The following GRIP1 variants were observed in gnomAD, a reference collection of about 807,000 sequenced individuals.
GRIP1 encodes glutamate receptor-interacting protein 1.
GRIP1 carries 45 observed loss-of-function variants against 129.9 expected under a neutral mutation model. The ratio of observed to expected loss-of-function variants is 0.35; its 90% CI spans 0.27 to 0.44. The LOEUF (loss-of-function observed/expected upper bound fraction) is 0.44. Among genes scored for constraint, GRIP1 ranks in the 20% least tolerant of loss-of-function variants. GRIP1 has a pLI of 1.00. For synonymous variants in GRIP1, 530 were observed against 520.8 expected (o/e 1.02, Z -0.24); for missense variants, 1,196 against 1,396.8 (o/e 0.86, Z 2.29).
At chr12:66,424,485 T>TATTTATGAAAGAA (rs1328335478) in intron 14 of GRIP1, among the ~76,000 whole-genome samples, 3 of 152,192 alleles carry the variant, frequency 2.0e-5, no homozygotes, top group Admixed American at 6.5e-5. Flanking sequence ...AGTCATTTTC[T>TATTTATGAAAGAA]ATTTACTTTC....
intron 6 of GRIP1, among the ~76,000 whole-genome samples, chr12:66,517,410 AC>A (rs149763421): frequency 0.023 from 3,465 of 152,272 alleles, 125 homozygotes; most frequent in African/African-American, 0.08. Flanking sequence ...TTCCATTCTG[AC>A]CTACACAGTC....
At position 66,774,832 on chromosome 12, in the gene GRIP1, A is replaced by G. The variant is rs536122577; in HGVS notation, c.-420+29221T>C. ...TGGCTTAGAATCCTAATGACCATAA[A>G]CAAGTTTTCATCAGGAAAACAAAGT... is the stretch of plus-strand genomic sequence containing the variant. On this transcript the variant is annotated intron_variant, in intron 1 of 4. Transcript: ENST00000538373. Among the ~76,000 whole-genome samples, 3 of 152,320 alleles carry G rather than the reference A, an allele frequency of 2.0e-5. No homozygotes were observed. The South Asian group carries it at 6.2e-4, about 32-fold the overall frequency.
intron 1 of GRIP1, among the ~76,000 whole-genome samples, chr12:66,635,212 G>A (rs1426033799): frequency 6.6e-6 from 1 of 151,918 alleles, no homozygotes; most frequent in East Asian, 1.9e-4. Flanking sequence ...GAGGTCAGGG[G>A]TTCAAGACAA....
At chr12:67,016,486 C>T (rs1005539673) in intron 1 of GRIP1, among the ~76,000 whole-genome samples, 1 of 152,094 alleles carries the variant, frequency 6.6e-6, no homozygotes, top group Non-Finnish European at 1.5e-5. Flanking sequence ...GGTGTTATTT[C>T]ATTTTAAAGA....
At chr12:66,975,558 G>T (rs1336482703) in intron 1 of GRIP1, among the ~76,000 whole-genome samples, 1 of 152,012 alleles carries the variant, frequency 6.6e-6, no homozygotes, top group Non-Finnish European at 1.5e-5. Context: ...TCTTTTTGTA[G>T]AAAATAGTAC....
intron 3 of GRIP1, among the ~76,000 whole-genome samples, chr12:66,541,076 A>G (rs1258095464): frequency 6.6e-6 from 1 of 152,024 alleles, no homozygotes; most frequent in Non-Finnish European, 1.5e-5. Context: ...TGGCCTCCCA[A>G]TGTGCTGGGA....
chr12:66,971,659 T>C (rs1212831783), intron 1 of GRIP1, among the ~76,000 whole-genome samples: 1 of 152,148 alleles, frequency 6.6e-6, no homozygotes, highest in Non-Finnish European at 1.5e-5. Context: ...AATCACAGTC[T>C]TTAAGAAGCT....
chr12:66,452,945 T>C (rs1393671656), intron 11 of GRIP1, among the ~76,000 whole-genome samples: 1 of 152,344 alleles, frequency 6.6e-6, no homozygotes, highest in Admixed American at 6.5e-5. Context: ...TTGGAATTTA[T>C]GGTTTGAATA....
intron 1 of GRIP1, among the ~76,000 whole-genome samples, chr12:67,006,760 A>C (rs1032728980): frequency 3.3e-5 from 5 of 152,158 alleles, no homozygotes; most frequent in Admixed American, 2.0e-4. Context: ...AAGCAACAAA[A>C]AAGGGCTTTT....
intron 1 of GRIP1, among the ~76,000 whole-genome samples, chr12:66,862,154 G>A (rs918739554): frequency 1.3e-5 from 2 of 152,080 alleles, no homozygotes; most frequent in African/African-American, 2.4e-5. Context: ...AATTTTCTAT[G>A]GAGGATCACA....
chr12:66,392,752 G>T lies in GRIP1; in HGVS notation c.2194C>A (p.Pro732Thr). The T allele has an allele frequency of 6.2e-7, 1 of 1,613,838 alleles. No individual in the cohort carries two copies. Among genetic ancestry groups the T allele is most frequent in the Non-Finnish European group, 8.5e-7 (1 of 1,179,748 alleles). Residue 732 changes from proline to threonine, a missense_variant, in exon 18 of 25, where the codon CCT becomes ACT. This residue lies in a region of GRIP1 where 28 missense variants were observed against 78.1 expected (regional missense o/e 0.36). Coordinates refer to ENST00000359742, the MANE Select transcript of GRIP1 (RefSeq NM_001366722.1). Reference sequence around the variant, plus strand: ...AACAAATGGATGGCTTCACTCAGAGGCTTCCCTTTCAAGCTGCTGCTATTG... The same window carrying T: ...AACAAATGGATGGCTTCACTCAGAGTCTTCCCTTTCAAGCTGCTGCTATTG... Reference protein sequence around the residue: ...AINSSSLKGKPLSEAIHLLQM... With the variant: ...AINSSSLKGKTLSEAIHLLQM...
intron 1 of GRIP1, among the ~76,000 whole-genome samples, chr12:66,991,455 C>T (rs1035048661): frequency 6.6e-6 from 1 of 152,014 alleles, no homozygotes; most frequent in African/African-American, 2.4e-5. Context: ...ATATTTCTTC[C>T]CTATAGCTGA....
chr12:66,951,671 C>T (rs2041760105), intron 1 of GRIP1, among the ~76,000 whole-genome samples: 1 of 152,226 alleles, frequency 6.6e-6, no homozygotes, highest in Admixed American at 6.5e-5. Context: ...TAGTCCCTAA[C>T]AGCAATCCTC....
At chr12:66,563,179 T>G (rs1462235980) in intron 2 of GRIP1, among the ~76,000 whole-genome samples, 2 of 151,902 alleles carry the variant, frequency 1.3e-5, no homozygotes, top group African/African-American at 2.4e-5. Flanking sequence ...CTATATACAC[T>G]GTGTGTGTGT....
In GRIP1 at chr12:66,348,717, A is replaced by T. The variant is rs2054088599; in HGVS notation, c.*302T>A. ...TCTCTTTTTAAAAAGTGATAGTAAG[A>T]TGAACTTGTAAAAAATTTCCTCTGA... On this transcript the variant is annotated 3_prime_UTR_variant, in exon 25 of 25. Transcript: ENST00000359742. The T allele has an allele frequency of 5.4e-6, 2 of 368,786 alleles. No individual in the cohort carries two copies. The highest frequency in any genetic ancestry group is 9.9e-6 in the Non-Finnish European group (2 of 202,144). 22.8% of individuals were successfully genotyped at this position (368,786 alleles called of 1,614,324 possible). A position where few individuals can be genotyped will look rare whatever the true frequency, so the allele number is the denominator to read the frequency against.
intron 2 of GRIP1, among the ~76,000 whole-genome samples, chr12:66,573,306 C>G (rs1388128474): frequency 6.6e-6 from 1 of 152,070 alleles, no homozygotes; most frequent in Non-Finnish European, 1.5e-5. Context: ...GACTGCTATT[C>G]TATTTGACAC....
chr12:66,552,111 C>T (rs190065250), intron 2 of GRIP1, among the ~76,000 whole-genome samples: 64 of 152,210 alleles, frequency 4.2e-4, no homozygotes, highest in African/African-American at 1.5e-3. Context: ...TGAGTTAGGT[C>T]GCTTAGTGTT....
At chr12:66,370,470 A>G (rs904128752) in intron 23 of GRIP1, among the ~76,000 whole-genome samples, 38 of 152,212 alleles carry the variant, frequency 2.5e-4, no homozygotes, top group Non-Finnish European at 1.6e-4. Context: ...GTTGCAAAAC[A>G]AATAGCTAGG....
intron 1 of GRIP1, among the ~76,000 whole-genome samples, chr12:66,815,840 CTT>C (rs200087426): frequency 1.7e-4 from 7 of 41,656 alleles, no homozygotes; most frequent in African/African-American, 3.5e-4. Flanking sequence ...TTCTTTCTTT[CTT>C]TCTTTCTTTC....
Sources: allele counts gnomAD v4.1 joint callset (sites outside exome capture counted in the v4.1 genomes callset), GRCh38; gene constraint gnomAD v4.1.1; regional missense constraint gnomAD v4.1.1; transcripts MANE v1.5; gene names NCBI Gene and HGNC (gene_info 2026-07-23, HGNC 2026-07-21).